The following UTRN variants were observed in gnomAD, a reference collection of about 807,000 sequenced individuals.
UTRN encodes the protein dystrophin-related protein 1.
UTRN carries 283 observed loss-of-function variants against 463.9 expected under a neutral mutation model. The observed-to-expected ratio is 0.61, with a 90% CI of 0.55 to 0.67. The LOEUF is 0.67. Among genes scored for constraint, UTRN ranks in the 30% least tolerant of loss-of-function variants. The probability of loss-of-function intolerance (pLI) is 0.00; values close to 1 mark genes in which losing one functional copy is unlikely to be tolerated. For missense variants in UTRN, 3,922 were observed against 4,084.3 expected (o/e 0.96, Z 1.08); for synonymous variants, 1,442 against 1,431.5 (o/e 1.01, Z -0.17).
intron 1 of UTRN, among the ~76,000 whole-genome samples, chr6:144,290,808 A>G (rs1399373737): frequency 8.1e-6 from 1 of 123,800 alleles, no homozygotes; most frequent in South Asian, 2.5e-4. Flanking sequence ...CTCGTTGCCC[A>G]GGGTGGAGTG....
intron 53 of UTRN, among the ~76,000 whole-genome samples, chr6:144,723,202 C>T (rs1787402945): frequency 6.6e-6 from 1 of 152,146 alleles, no homozygotes; most frequent in African/African-American, 2.4e-5. Flanking sequence ...AAACCAACTG[C>T]AGACTGAAAT....
chr6:144,295,710 C>G (rs888742084), intron 2 of UTRN, among the ~76,000 whole-genome samples: 4 of 152,220 alleles, frequency 2.6e-5, no homozygotes, highest in Admixed American at 6.5e-5. Context: ...TGGCATCTCA[C>G]TGCTGCTGCT....
intron 2 of UTRN, among the ~76,000 whole-genome samples, chr6:144,390,600 T>C (rs1049667769): frequency 1.3e-5 from 2 of 152,182 alleles, no homozygotes; most frequent in East Asian, 3.8e-4. Context: ...AGGAACCTCT[T>C]CACAGTTGTG....
chr6:144,334,185 A>T (rs1776540491), intron 2 of UTRN, among the ~76,000 whole-genome samples: 1 of 151,988 alleles, frequency 6.6e-6, no homozygotes, highest in Non-Finnish European at 1.5e-5. Context: ...GTGGAGGCAA[A>T]TGGTGCTTTG....
chr6:144,579,662 G>T (rs1174720966), intron 51 of UTRN, among the ~76,000 whole-genome samples: 3 of 152,112 alleles, frequency 2.0e-5, no homozygotes, highest in African/African-American at 7.2e-5. Flanking sequence ...CTAAGCACAG[G>T]ATTACTTATG....
intron 14 of UTRN, among the ~76,000 whole-genome samples, chr6:144,445,100 C>T (rs1787531136): frequency 6.6e-6 from 1 of 152,096 alleles, no homozygotes; most frequent in Non-Finnish European, 1.5e-5. Flanking sequence ...CCTGTAATCC[C>T]AGCACTTTGG....
At chr6:144,473,546 A>T (rs1006542950) in intron 23 of UTRN, among the ~76,000 whole-genome samples, 174 bp from the exon 24 acceptor site, 6 of 152,256 alleles carry the variant, frequency 3.9e-5, no homozygotes, top group African/African-American at 1.4e-4. Context: ...TTAGTCAAGA[A>T]TGAAGAAAAT....
Position 144,793,855 on chromosome 6 carries a change from G to A in UTRN, c.8942G>A (p.Gly2981Glu), listed in dbSNP as rs1407891029. 4 of 1,613,950 alleles carry A rather than the reference G, an allele frequency of 2.5e-6. No individual in the cohort carries two copies. The highest frequency in any genetic ancestry group is 3.4e-6 in the Non-Finnish European group (4 of 1,179,936). ...GCAGATCTCTTTAAGGAAGTTGCAG[G>A]GCCAACAGAAATGTGTGACCAGAGG... ...KYRYLFKEVA[G>E]PTEMCDQRQL... The change falls in exon 63 of 75, where the codon GGG becomes GAG. Residue 2981 changes from glycine (G) to glutamate (E), a missense_variant. Physicochemically the swap from Gly to Glu is moderately conservative, Grantham distance 98. Coordinates refer to ENST00000367545, the MANE Select transcript of UTRN (RefSeq NM_007124.3).
chr6:144,494,189 T>G (rs1402242899), intron 33 of UTRN, among the ~76,000 whole-genome samples: 2 of 152,178 alleles, frequency 1.3e-5, no homozygotes, highest in Non-Finnish European at 1.5e-5. Context: ...ACCCTCGTGG[T>G]GAGTGTTACA....
At chr6:144,330,945 G>A (rs1185348121) in intron 2 of UTRN, 1 of 985,230 alleles carries the variant, frequency 1.0e-6, no homozygotes, top group Non-Finnish European at 1.2e-6. Flanking sequence ...TACATTTGGA[G>A]GACACGCTGA....
intron 3 of UTRN, among the ~76,000 whole-genome samples, chr6:144,416,571 G>A (rs1223428496): frequency 2.6e-5 from 4 of 152,296 alleles, no homozygotes; most frequent in African/African-American, 7.2e-5. Context: ...AAATCCAGCA[G>A]CAGTAGTGTC....
intron 10 of UTRN, among the ~76,000 whole-genome samples, chr6:144,437,147 G>A (rs1379660916): frequency 6.6e-6 from 1 of 151,936 alleles, no homozygotes; most frequent in African/African-American, 2.4e-5. Context: ...TAGAGACGGG[G>A]TTTCACCTTG....
chr6:144,453,446 T>G (rs952610638), intron 18 of UTRN, among the ~76,000 whole-genome samples: 1 of 152,194 alleles, frequency 6.6e-6, no homozygotes, highest in South Asian at 2.1e-4. Flanking sequence ...TGTTAGTTAA[T>G]TTTTGTTCAA....
At chr6:144,347,833 C>CTTTTTTTT in intron 2 of UTRN, among the ~76,000 whole-genome samples, 1 of 130,306 alleles carries the variant, frequency 7.7e-6, no homozygotes, top group African/African-American at 4.1e-5. Context: ...GTGGCTTATT[C>CTTTTTTTT]TTTGTTTTTT....
chr6:144,768,941 G>GTTTTTTTT (rs1204880630), intron 58 of UTRN, among the ~76,000 whole-genome samples: 3 of 96,910 alleles, frequency 3.1e-5, no homozygotes, highest in Admixed American at 1.2e-4. Flanking sequence ...TTGCTACTTT[G>GTTTTTTTT]TTTTTTGTTT....
intron 51 of UTRN, among the ~76,000 whole-genome samples, chr6:144,666,002 A>G (rs1414953439): frequency 6.6e-6 from 1 of 152,208 alleles, no homozygotes; most frequent in Non-Finnish European, 1.5e-5. Context: ...AAGATGGATT[A>G]CATTCCCATA....
chr6:144,295,489 T>C (rs1382266744), intron 2 of UTRN, among the ~76,000 whole-genome samples: 1 of 152,236 alleles, frequency 6.6e-6, no homozygotes, highest in Non-Finnish European at 1.5e-5. Flanking sequence ...ATGAAATAGT[T>C]GGGCAAGCTT....
At chr6:144,511,983 G>T (rs1337846550) in intron 35 of UTRN, among the ~76,000 whole-genome samples, 1 of 152,080 alleles carries the variant, frequency 6.6e-6, no homozygotes, top group Non-Finnish European at 1.5e-5. Context: ...ATTATCATGT[G>T]TTTGAATATT....
chr6:144,322,024 A>G (rs935094499), intron 2 of UTRN, among the ~76,000 whole-genome samples: 1 of 152,128 alleles, frequency 6.6e-6, no homozygotes, highest in Admixed American at 6.5e-5. Context: ...TCGGCCTCCC[A>G]CAGTCCTGGG....
Sources: gnomAD v4.1 joint callset for allele counts (sites outside exome capture counted in the v4.1 genomes callset) on GRCh38, gnomAD v4.1.1 for gene constraint, MANE v1.5 for transcripts, NCBI Gene and HGNC (gene_info 2026-07-23, HGNC 2026-07-21) for gene names.